The following MED13L variants were observed in gnomAD, a reference collection of about 807,000 sequenced individuals.
MED13L encodes the protein mediator complex subunit 13L.
MED13L carries 7 observed loss-of-function variants against 220.9 expected under a neutral mutation model. That is an observed-to-expected ratio of 0.03 (90% CI 0.02 to 0.06). The LOEUF (loss-of-function observed/expected upper bound fraction) is 0.06, where lower values mean the gene tolerates loss of function less well. Among genes scored for constraint, MED13L ranks in the 10% least tolerant of loss-of-function variants. The pLI, the probability that MED13L is intolerant of heterozygous loss-of-function variation, is 1.00. For synonymous variants in MED13L, 1,011 were observed against 1,015.2 expected, an observed-to-expected ratio of 1.00 and a Z score of 0.08; for missense variants, 1,965 against 2,760.5, an observed-to-expected ratio of 0.71 and a Z score of 6.46.
At chr12:116,154,993 AT>A (rs1256219100) in intron 2 of MED13L, among the ~76,000 whole-genome samples, 1 of 152,026 alleles carries the variant, frequency 6.6e-6, no homozygotes, top group African/African-American at 2.4e-5. Flanking sequence ...CACCTGGCTA[AT>A]TTCTGTATTT....
chr12:116,255,518 A>G (rs1205526086), intron 1 of MED13L, among the ~76,000 whole-genome samples: 1 of 152,214 alleles, frequency 6.6e-6, no homozygotes, highest in Non-Finnish European at 1.5e-5. Flanking sequence ...TAAAAGTAAT[A>G]CTTGACTTAA....
rs151109218 is a variant in MED13L at position 116,129,746 on chromosome 12, T to C, written c.311-18234A>G. 4.0e-4 allele frequency among the ~76,000 whole-genome samples: 61 copies of C among 152,052 alleles called. 1 individual carries two copies. The East Asian group carries it at 0.011, about 28-fold the overall frequency. On this transcript the variant is annotated intron_variant, in intron 2 of 30. Coordinates refer to ENST00000281928, the MANE Select transcript of MED13L (RefSeq NM_015335.5). ...CAACATAGTGAAACCCCATCTCTACTAAAAATACAAAAATTAGCTGTACAT... is the reference window on the plus strand; with the variant it reads ...CAACATAGTGAAACCCCATCTCTACCAAAAATACAAAAATTAGCTGTACAT...
intron 3 of MED13L, among the ~76,000 whole-genome samples, chr12:116,106,603 G>A (rs1022127125): frequency 6.6e-6 from 1 of 152,188 alleles, no homozygotes; most frequent in Non-Finnish European, 1.5e-5. Context: ...CCAGCACTGT[G>A]GGAGGCCGAA....
At chr12:116,065,061 A>G (rs1011607618) in intron 4 of MED13L, among the ~76,000 whole-genome samples, 4 of 152,208 alleles carry the variant, frequency 2.6e-5, no homozygotes, top group Admixed American at 6.5e-5. Flanking sequence ...AATGGTATAT[A>G]TTTTTTATTT....
chr12:116,242,871 T>C (rs190967236), intron 1 of MED13L, among the ~76,000 whole-genome samples: 7 of 152,302 alleles, frequency 4.6e-5, no homozygotes, highest in Admixed American at 3.9e-4. Flanking sequence ...CCATGCTGCT[T>C]CATAAGGCAA....
intron 1 of MED13L, 138 bp from the exon 2 acceptor site, chr12:116,237,843 A>C: frequency 1.3e-6 from 1 of 791,322 alleles, no homozygotes; most frequent in South Asian, 1.5e-5. Flanking sequence ...CTCCCAGTGA[A>C]GAATGTATGT....
At chr12:116,089,192 T>G (rs1871974344) in intron 4 of MED13L, among the ~76,000 whole-genome samples, 1 of 152,222 alleles carries the variant, frequency 6.6e-6, no homozygotes, top group Non-Finnish European at 1.5e-5. Context: ...TGCCTTCTTT[T>G]ATGTCCACAC....
chr12:116,140,581 C>T (rs1385266250), intron 2 of MED13L, among the ~76,000 whole-genome samples: 1 of 151,928 alleles, frequency 6.6e-6, no homozygotes, highest in African/African-American at 2.4e-5. Context: ...GAGCAGCTAC[C>T]GGGAAAGGAA....
chr12:116,108,145 C>T (rs1170953614), intron 3 of MED13L, among the ~76,000 whole-genome samples: 2 of 151,386 alleles, frequency 1.3e-5, no homozygotes, highest in African/African-American at 4.8e-5. Context: ...AGCTTTCAAG[C>T]CAGAAACTCA....
chr12:116,268,053 T>C (rs1192469711), intron 1 of MED13L, among the ~76,000 whole-genome samples: 1 of 152,228 alleles, frequency 6.6e-6, no homozygotes, highest in East Asian at 1.9e-4. Flanking sequence ...AAGAGCTCCC[T>C]TGAGGAATGG....
At chr12:116,156,236 T>G (rs537434286) in intron 2 of MED13L, among the ~76,000 whole-genome samples, 16 of 152,030 alleles carry the variant, frequency 1.1e-4, no homozygotes, top group African/African-American at 3.9e-4. Flanking sequence ...TCCAACCATA[T>G]GATGAATGTC....
intron 1 of MED13L, among the ~76,000 whole-genome samples, chr12:116,239,780 C>T (rs549740851): frequency 3.9e-5 from 6 of 152,294 alleles, no homozygotes; most frequent in African/African-American, 1.4e-4. Context: ...CAAATAGCCA[C>T]CTCCCAAATT....
intron 4 of MED13L, 66 bp from the exon 5 acceptor site, chr12:116,022,667 C>T (rs1311685429): frequency 6.6e-7 from 1 of 1,519,882 alleles, no homozygotes; most frequent in African/African-American, 1.4e-5. Context: ...GAAACAGGAA[C>T]TACAGGTAAG....
intron 1 of MED13L, among the ~76,000 whole-genome samples, chr12:116,253,991 C>T (rs1021085283): frequency 5.9e-5 from 9 of 151,866 alleles, no homozygotes; most frequent in Non-Finnish European, 2.9e-5. Flanking sequence ...GAACCCCTGA[C>T]CTCAAGTGAT....
chr12:116,265,390 G>T (rs1166463307), intron 1 of MED13L, among the ~76,000 whole-genome samples: 1 of 152,190 alleles, frequency 6.6e-6, no homozygotes, highest in Non-Finnish European at 1.5e-5. Flanking sequence ...ATTCTAATTT[G>T]TCTGTGTAAG....
intron 10 of MED13L, 173 bp downstream of exon 10, chr12:116,008,228 T>C: frequency 1.1e-6 from 1 of 887,124 alleles, no homozygotes. Flanking sequence ...ACATGTGTGC[T>C]AACCTATAAG....
At chr12:116,242,705 T>C (rs1387636954) in intron 1 of MED13L, among the ~76,000 whole-genome samples, 2 of 152,210 alleles carry the variant, frequency 1.3e-5, no homozygotes, top group Non-Finnish European at 2.9e-5. Flanking sequence ...TGACTTCATA[T>C]ATAATTTATA....
chr12:116,039,342 G>A (rs1252211234), intron 4 of MED13L, among the ~76,000 whole-genome samples: 3 of 152,174 alleles, frequency 2.0e-5, no homozygotes, highest in Non-Finnish European at 2.9e-5. Flanking sequence ...AGTACTCAAA[G>A]AAGGCCCCAG....
intron 2 of MED13L, among the ~76,000 whole-genome samples, chr12:116,190,363 CCTT>C (rs929154700): frequency 2.6e-5 from 4 of 152,056 alleles, no homozygotes; most frequent in South Asian, 2.1e-4. Context: ...TTGAACATGA[CCTT>C]CTCAAAATTT....
Sources: gnomAD v4.1 joint callset for allele counts (sites outside exome capture counted in the v4.1 genomes callset) on GRCh38, gnomAD v4.1.1 for gene constraint, MANE v1.5 for transcripts, NCBI Gene and HGNC (gene_info 2026-07-23, HGNC 2026-07-21) for gene names.